CENPE: variants seen among roughly 807,000 people sequenced by gnomAD.
CENPE encodes centromere protein E, also known as centromere-associated protein E.
A neutral mutation model predicts 336.1 loss-of-function variants in CENPE; 145 were observed. That is an observed-to-expected ratio of 0.43 (90% CI 0.38 to 0.50). CENPE has a LOEUF of 0.50. CENPE is among the 20% of genes least tolerant of loss of function. The pLI, the probability that CENPE is intolerant of heterozygous loss-of-function variation, is 0.00. For missense variants in CENPE, 2,719 were observed against 3,023.3 expected, an observed-to-expected ratio of 0.90 and a Z score of 2.36; for synonymous variants, 1,013 against 984.8, an observed-to-expected ratio of 1.03 and a Z score of -0.54.
chr4:103,181,007 A>C (rs1756281867), intron 12 of CENPE, among the ~76,000 whole-genome samples: 1 of 152,172 alleles, frequency 6.6e-6, no homozygotes, highest in Admixed American at 6.5e-5. Context: ...GGTGGTTCTA[A>C]GTAACTCTGT....
At chr4:103,163,608 C>CAAAAAAAAAAAAAAAAAGAAAAAAA (rs1754655425) in intron 16 of CENPE, 55 bp from the exon 17 acceptor site, 2 of 280,024 alleles carry the variant, frequency 7.1e-6, no homozygotes, top group Non-Finnish European at 1.2e-5. Context: ...TAAAGCAAAG[C>CAAAAAAAAAAAAAAAAAGAAAAAAA]AAAAAAAAAA....
chr4:103,122,301 A>C (rs1750702784), intron 43 of CENPE, among the ~76,000 whole-genome samples: 1 of 152,212 alleles, frequency 6.6e-6, no homozygotes, highest in Non-Finnish European at 1.5e-5. Flanking sequence ...GTGCTAACAA[A>C]ATACAACATT....
intron 40 of CENPE, among the ~76,000 whole-genome samples, 163 bp downstream of exon 40, chr4:103,135,978 G>A (rs1752035059): frequency 6.6e-6 from 1 of 152,164 alleles, no homozygotes; most frequent in Non-Finnish European, 1.5e-5. Context: ...CAGAGTTCAG[G>A]TGTTGCTGAT....
At chr4:103,143,174 T>C in intron 34 of CENPE, 74 bp downstream of exon 34, 2 of 1,061,866 alleles carry the variant, frequency 1.9e-6, no homozygotes, top group Middle Eastern at 3.1e-4. Flanking sequence ...TTTAGGGTAA[T>C]TCATATCTTG....
intron 16 of CENPE, among the ~76,000 whole-genome samples, chr4:103,169,546 C>A (rs942872357): frequency 2.6e-5 from 4 of 152,088 alleles, no homozygotes; most frequent in Admixed American, 6.5e-5. Flanking sequence ...AGTAAAGAGG[C>A]AAATAACATA....
At chr4:103,130,843 A>G (rs556393691) in intron 42 of CENPE, among the ~76,000 whole-genome samples, 44 of 151,568 alleles carry the variant, frequency 2.9e-4, no homozygotes, top group African/African-American at 1.0e-3. Flanking sequence ...TAGATCCCAC[A>G]TAGTCAAATG....
At chr4:103,197,995 T>C (rs951084008) in intron 1 of CENPE, among the ~76,000 whole-genome samples, 4 of 152,218 alleles carry the variant, frequency 2.6e-5, no homozygotes, top group Admixed American at 6.5e-5. Flanking sequence ...GAGGAGCAGA[T>C]GCCGCAAGGC....
At chr4:103,113,657 ATACT>A (rs1228720180) in intron 46 of CENPE, among the ~76,000 whole-genome samples, 4 of 146,084 alleles carry the variant, frequency 2.7e-5, no homozygotes, top group Admixed American at 7.0e-5. Flanking sequence ...TATACTATAT[ATACT>A]TATATATTTA....
In CENPE at chr4:103,108,794, T is replaced by C. The variant is rs538581107; in HGVS notation, c.8011+9A>G. 1.9e-6 allele frequency: 3 copies of C among 1,609,230 alleles called. No individual in the cohort carries two copies. The highest frequency in any genetic ancestry group is 2.2e-5 in the East Asian group (1 of 44,822). Reference sequence around the variant, plus strand: ...CTCTGATTTCCAAGTAACCAGTATATTTACTTACCTGGACAAAGGCCTAAA... The same window carrying C: ...CTCTGATTTCCAAGTAACCAGTATACTTACTTACCTGGACAAAGGCCTAAA... On this transcript the variant is annotated intron_variant, in intron 48 of 48. Coordinates refer to ENST00000265148, the MANE Select transcript of CENPE (RefSeq NM_001813.3).
chr4:103,151,456 C>T (rs1753564149), intron 25 of CENPE, 79 bp from the exon 26 acceptor site: 7 of 1,062,312 alleles, frequency 6.6e-6, no homozygotes, highest in Non-Finnish European at 9.1e-6. Context: ...CAGCATTTCT[C>T]TCAGTCTGCA....
At chr4:103,155,959 C>T (rs752177695) in intron 24 of CENPE, among the ~76,000 whole-genome samples, 7 of 151,838 alleles carry the variant, frequency 4.6e-5, no homozygotes, top group Non-Finnish European at 1.0e-4. Context: ...TAACAATGAA[C>T]GATCCAAAGA....
chr4:103,182,730 C>T (rs765335770), intron 11 of CENPE, 32 bp downstream of exon 11: 1 of 1,541,178 alleles, frequency 6.5e-7, no homozygotes, highest in African/African-American at 1.4e-5. Flanking sequence ...TGATCTTCCC[C>T]TATATTAAGC....
intron 28 of CENPE, among the ~76,000 whole-genome samples, chr4:103,148,610 T>C (rs1388794998): frequency 1.3e-5 from 2 of 152,204 alleles, no homozygotes; most frequent in Non-Finnish European, 2.9e-5. Context: ...GATTGCTTAT[T>C]TATCAGCTAC....
intron 1 of CENPE, among the ~76,000 whole-genome samples, chr4:103,197,060 C>T (rs1757797231): frequency 6.6e-6 from 1 of 152,206 alleles, no homozygotes; most frequent in South Asian, 2.1e-4. Context: ...GGCTTTCATT[C>T]TCACCCTCTC....
intron 16 of CENPE, among the ~76,000 whole-genome samples, chr4:103,172,787 T>A (rs1755521219): frequency 6.6e-6 from 1 of 151,982 alleles, no homozygotes; most frequent in South Asian, 2.1e-4. Context: ...AGTATCTCTA[T>A]ATGTTAATGG....
At chr4:103,181,266 C>T (rs887462361) in intron 12 of CENPE, 71 bp downstream of exon 12, 6 of 1,129,506 alleles carry the variant, frequency 5.3e-6, no homozygotes, top group Non-Finnish European at 7.2e-6. Context: ...TGAAGAGTCT[C>T]TGAGCATTTG....
intron 46 of CENPE, 118 bp downstream of exon 46, chr4:103,114,337 T>G: frequency 1.7e-6 from 1 of 592,148 alleles, no homozygotes; most frequent in Admixed American, 3.0e-5. Flanking sequence ...TAAAAATAGA[T>G]TAGTGGCCAA....
At chr4:103,162,757 C>A (rs1411385254) in intron 18 of CENPE, among the ~76,000 whole-genome samples, 1 of 152,040 alleles carries the variant, frequency 6.6e-6, no homozygotes, top group Non-Finnish European at 1.5e-5. Context: ...CCAGGTCTCA[C>A]TATGTTGCCC....
intron 28 of CENPE, among the ~76,000 whole-genome samples, chr4:103,148,123 A>G (rs1753219637): frequency 6.6e-6 from 1 of 152,168 alleles, no homozygotes; most frequent in Admixed American, 6.5e-5. Flanking sequence ...ATTCCTGCTA[A>G]AGCTATTCAT....
Sources: gnomAD v4.1 joint callset for allele counts (sites outside exome capture counted in the v4.1 genomes callset) on GRCh38, gnomAD v4.1.1 for gene constraint, MANE v1.5 for transcripts, NCBI Gene and HGNC (gene_info 2026-07-23, HGNC 2026-07-21) for gene names.